ITGA9: variants seen among roughly 807,000 people sequenced by gnomAD.
The protein encoded by ITGA9 is integrin alpha-9.
In ITGA9, 56 loss-of-function variants were observed where a neutral mutation model predicts 127.8. The observed-to-expected ratio is 0.44, with a 90% CI of 0.35 to 0.55. ITGA9 has a LOEUF of 0.55. Ranked by LOEUF, ITGA9 falls within the 20% of genes least tolerant of loss-of-function variation. The pLI is 0.00. For missense variants in ITGA9, 1,196 were observed against 1,347.1 expected, an observed-to-expected ratio of 0.89 and a Z score of 1.76; for synonymous variants, 508 against 514.5, an observed-to-expected ratio of 0.99 and a Z score of 0.17.
At chr3:37,665,697 C>T (rs1303651534) in intron 17 of ITGA9, among the ~76,000 whole-genome samples, 1 of 152,108 alleles carries the variant, frequency 6.6e-6, no homozygotes, top group Non-Finnish European at 1.5e-5. Context: ...TCAAGCAATC[C>T]ACCTGCCTTG....
chr3:37,664,717 TTATC>T (rs1209972781), intron 17 of ITGA9, among the ~76,000 whole-genome samples: 7 of 151,984 alleles, frequency 4.6e-5, no homozygotes, highest in African/African-American at 1.7e-4. Context: ...AGCACATTCT[TTATC>T]TATGTAGGTT....
intron 15 of ITGA9, among the ~76,000 whole-genome samples, chr3:37,624,727 C>G (rs1475418918): frequency 1.3e-5 from 2 of 152,184 alleles, no homozygotes; most frequent in African/African-American, 2.4e-5. Context: ...CTGCCTCAGC[C>G]TCCTGAGTAG....
chr3:37,793,389 AACACACACAC>A (rs10575371), intron 26 of ITGA9, among the ~76,000 whole-genome samples: 3,181 of 134,528 alleles, frequency 0.024, 123 homozygotes, highest in African/African-American at 0.076. Flanking sequence ...CAAACAGGTC[AACACACACAC>A]ACACACACAC....
intron 5 of ITGA9, among the ~76,000 whole-genome samples, chr3:37,499,053 C>CAGTGT (rs1698761846): frequency 1.3e-5 from 2 of 152,214 alleles, no homozygotes; most frequent in African/African-American, 4.8e-5. Context: ...GCCTGCTTGA[C>CAGTGT]CTACAGGTCA....
At chr3:37,595,255 C>G (rs1035730431) in intron 15 of ITGA9, among the ~76,000 whole-genome samples, 10 of 152,098 alleles carry the variant, frequency 6.6e-5, no homozygotes, top group African/African-American at 2.2e-4. Context: ...GTCAGCAGCT[C>G]TCCTATGGCC....
At chr3:37,595,868 G>A (rs1210097942) in intron 15 of ITGA9, among the ~76,000 whole-genome samples, 1 of 152,200 alleles carries the variant, frequency 6.6e-6, no homozygotes, top group South Asian at 2.1e-4. Flanking sequence ...GCCTAGGCCC[G>A]AGAGGCCATT....
chr3:37,558,213 G>A (rs1267792772), intron 15 of ITGA9, among the ~76,000 whole-genome samples: 1 of 152,194 alleles, frequency 6.6e-6, no homozygotes, highest in Non-Finnish European at 1.5e-5. Context: ...TTCCCTGCCT[G>A]TCTGTGGCCT....
intron 15 of ITGA9, among the ~76,000 whole-genome samples, chr3:37,555,137 C>G (rs1267722927): frequency 6.6e-6 from 1 of 152,160 alleles, no homozygotes; most frequent in Non-Finnish European, 1.5e-5. Flanking sequence ...GTTTTTCATG[C>G]AGGAAGAAGT....
intron 15 of ITGA9, among the ~76,000 whole-genome samples, chr3:37,605,262 T>C (rs11920243): frequency 0.18 from 28,002 of 151,876 alleles, 3,017 homozygotes; most frequent in Admixed American, 0.3. Flanking sequence ...GAGGAGATAG[T>C]GGGAAAGTCT....
intron 1 of ITGA9, among the ~76,000 whole-genome samples, chr3:37,465,985 A>G (rs1698365839): frequency 6.6e-6 from 1 of 152,104 alleles, no homozygotes; most frequent in East Asian, 1.9e-4. Flanking sequence ...CTTAACATGA[A>G]TAACCATCTT....
chr3:37,684,011 A>G lies in ITGA9; in HGVS notation c.2063A>G (p.Gln688Arg). 6.2e-7 allele frequency: 1 copy of G among 1,613,474 alleles called. No individual in the cohort carries two copies. The highest frequency in any genetic ancestry group is 8.5e-7 in the Non-Finnish European group (1 of 1,179,832). The change falls in exon 18 of 28, where the codon CAG becomes CGG. Residue 688 changes from glutamine to arginine, a missense_variant. Gln to Arg is a conservative substitution (Grantham distance 43). Transcript: ENST00000264741. ...GAGCTCTTCTTCATCAACATGTGGC[A>G]GAAGGTAAGGAGGGCATCCCTGTAA... is the stretch of plus-strand genomic sequence containing the variant. Reference protein sequence around the residue: ...SRELFFINMWQKEEMGISCEL... With the variant: ...SRELFFINMWRKEEMGISCEL...
chr3:37,764,147 A>G (rs942338584), intron 23 of ITGA9, among the ~76,000 whole-genome samples: 1 of 152,162 alleles, frequency 6.6e-6, no homozygotes, highest in Non-Finnish European at 1.5e-5. Context: ...ATAATTGCCT[A>G]GTTCCCTCAT....
chr3:37,478,027 G>A (rs1459094716), intron 3 of ITGA9, among the ~76,000 whole-genome samples: 1 of 151,972 alleles, frequency 6.6e-6, no homozygotes, highest in Non-Finnish European at 1.5e-5. Context: ...GCAGAAAAAG[G>A]TATAAATCAT....
Position 37,504,386 on chromosome 3 carries a change from C to G in ITGA9, c.742+1079C>G, listed in dbSNP as rs558635538. On this transcript the variant is annotated intron_variant, in intron 6 of 27. Coordinates refer to ENST00000264741, the MANE Select transcript of ITGA9 (RefSeq NM_002207.3). ...CCAAGGTCACATGGCTCCTAAGTAG[C>G]AAAATTAGGGTATGAGCTTGTGGTT... 3.9e-5 allele frequency among the ~76,000 whole-genome samples: 6 copies of G among 152,236 alleles called. No individual in the cohort carries two copies. In the East Asian group the frequency reaches 1.2e-3, roughly 29 times the overall value.
rs138914528 is a variant in ITGA9, at chr3:37,480,180, A to G, written c.421-1304A>G. Among the ~76,000 whole-genome samples the G allele has an allele frequency of 1.8e-3, 269 of 151,896 alleles. 3 individuals carry two copies. The highest frequency in any genetic ancestry group is 6.8e-3 in the Middle Eastern group (2 of 294). On this transcript the variant is annotated intron_variant, in intron 3 of 27. Transcript: ENST00000264741. ...CAGTGACATCTGGATGTGCAGAGAC[A>G]TGCACGGGAACTGGGGCCACTGTCA... is the stretch of plus-strand genomic sequence containing the variant.
intron 15 of ITGA9, among the ~76,000 whole-genome samples, chr3:37,562,347 T>C (rs1291190486): frequency 6.6e-6 from 1 of 152,216 alleles, no homozygotes; most frequent in African/African-American, 2.4e-5. Flanking sequence ...GCATCCTGAG[T>C]TCCTTTGGGT....
In ITGA9 at chr3:37,519,273, T is replaced by C. The variant is rs1699020574; in HGVS notation, c.1155T>C (p.Gly385=). The C allele has an allele frequency of 6.2e-7, 1 of 1,614,086 alleles. No individual in the cohort carries two copies. Among genetic ancestry groups the C allele is most frequent in the East Asian group, 2.2e-5 (1 of 44,880 alleles). The change falls in exon 11 of 28, where the codon GGT becomes GGC. Residue 385 remains glycine, a synonymous_variant. Transcript: ENST00000264741. ...TTTTACCCTCAGATGTGGCCATTGGTGCACCCAAGGAGGATGACTTCGCAG... is the reference window on the plus strand; with the variant it reads ...TTTTACCCTCAGATGTGGCCATTGGCGCACCCAAGGAGGATGACTTCGCAG... ...DNDGFPDVAI[G]APKEDDFAGA...
chr3:37,735,382 A>G (rs1326128282), intron 19 of ITGA9, among the ~76,000 whole-genome samples: 3 of 152,058 alleles, frequency 2.0e-5, no homozygotes, highest in African/African-American at 7.2e-5. Context: ...ATTTCTGTCT[A>G]GAAAGAGATG....
At chr3:37,496,088 C>G (rs765058804) in intron 5 of ITGA9, among the ~76,000 whole-genome samples, 5 of 152,162 alleles carry the variant, frequency 3.3e-5, no homozygotes, top group Non-Finnish European at 7.4e-5. Context: ...AGGGCCCCTC[C>G]TGAGTCAGGA....
Sources: allele counts gnomAD v4.1 joint callset (sites outside exome capture counted in the v4.1 genomes callset), GRCh38; gene constraint gnomAD v4.1.1; transcripts MANE v1.5; gene names NCBI Gene and HGNC (gene_info 2026-07-23, HGNC 2026-07-21).